The following KCNH7 variants were observed in gnomAD, a reference collection of about 807,000 sequenced individuals.
The protein encoded by KCNH7 is voltage-gated inwardly rectifying potassium channel KCNH7.
In KCNH7, 49 loss-of-function variants were observed where a neutral mutation model predicts 120.8. The ratio of observed to expected loss-of-function variants is 0.41; its 90% CI spans 0.32 to 0.51. The LOEUF (loss-of-function observed/expected upper bound fraction) is 0.51, where lower values mean the gene tolerates loss of function less well. KCNH7 is among the 20% of genes least tolerant of loss of function. The probability of loss-of-function intolerance (pLI) is 0.38; values close to 1 mark genes in which losing one functional copy is unlikely to be tolerated. For missense variants in KCNH7, 1,097 were observed against 1,446.6 expected (o/e 0.76, Z 3.92); for synonymous variants, 547 against 516.1 (o/e 1.06, Z -0.81).
intron 2 of KCNH7, among the ~76,000 whole-genome samples, chr2:162,549,063 T>C (rs1692576765): frequency 6.6e-6 from 1 of 152,188 alleles, no homozygotes; most frequent in Non-Finnish European, 1.5e-5. Context: ...TTTATGGTCC[T>C]ATTATCCTGT....
chr2:162,752,844 T>C (rs934501646), intron 2 of KCNH7, among the ~76,000 whole-genome samples: 2 of 147,296 alleles, frequency 1.4e-5, no homozygotes, highest in Non-Finnish European at 3.0e-5. Flanking sequence ...GAGGTTGCAG[T>C]GAGCCGAGAT....
intron 2 of KCNH7, among the ~76,000 whole-genome samples, chr2:162,666,031 T>C (rs968925662): frequency 2.0e-5 from 3 of 152,190 alleles, no homozygotes; most frequent in East Asian, 1.9e-4. Flanking sequence ...TTCTTTATTT[T>C]AGTGTAGATT....
chr2:162,766,671 T>A (rs1682821474), intron 2 of KCNH7, among the ~76,000 whole-genome samples: 1 of 151,876 alleles, frequency 6.6e-6, no homozygotes, highest in African/African-American at 2.4e-5. Flanking sequence ...TAGAAAGCAA[T>A]CATTTTCAGA....
chr2:162,564,016 C>T lies in KCNH7; in HGVS notation c.308-26936G>A, dbSNP rs1168194983. On this transcript the variant is annotated intron_variant, in intron 2 of 15. Coordinates refer to ENST00000332142, the MANE Select transcript of KCNH7 (RefSeq NM_033272.4). ...TCATTCATTCTTTAATAGCAATAAA[C>T]TGGTACAACTCAAAATTATTTTCTT... Among the ~76,000 whole-genome samples, 17 of 152,214 alleles carry T rather than the reference C, an allele frequency of 1.1e-4. No homozygotes were observed. In the East Asian group the frequency reaches 1.4e-3, roughly 12 times the overall value.
chr2:162,630,526 C>G (rs1219649206), intron 2 of KCNH7, among the ~76,000 whole-genome samples: 1 of 151,920 alleles, frequency 6.6e-6, no homozygotes, highest in Non-Finnish European at 1.5e-5. Context: ...AATGTCATTA[C>G]AGCTACAGGT....
chr2:162,679,706 G>A (rs1490516320), intron 2 of KCNH7, among the ~76,000 whole-genome samples: 1 of 151,502 alleles, frequency 6.6e-6, no homozygotes, highest in Non-Finnish European at 1.5e-5. Context: ...GCTTTACAGT[G>A]TTGTTTTTAA....
At chr2:162,630,560 G>C (rs1683731573) in intron 2 of KCNH7, among the ~76,000 whole-genome samples, 1 of 152,006 alleles carries the variant, frequency 6.6e-6, no homozygotes, top group African/African-American at 2.4e-5. Context: ...TTAGCAATTA[G>C]GATTTCTTTC....
intron 2 of KCNH7, among the ~76,000 whole-genome samples, chr2:162,595,762 G>A (rs1399213562): frequency 1.3e-5 from 2 of 151,678 alleles, no homozygotes; most frequent in Non-Finnish European, 1.5e-5. Flanking sequence ...AAACAGAAAA[G>A]GAAAAAGTGA....
At chr2:162,556,135 G>GAC (rs755142762) in intron 2 of KCNH7, among the ~76,000 whole-genome samples, 6 of 151,870 alleles carry the variant, frequency 4.0e-5, no homozygotes, top group African/African-American at 9.7e-5. Context: ...AAATATATAT[G>GAC]ACACACACAC....
intron 3 of KCNH7, among the ~76,000 whole-genome samples, chr2:162,527,446 C>A (rs545931569): frequency 1.1e-3 from 163 of 152,020 alleles, no homozygotes; most frequent in Non-Finnish European, 1.6e-3. Context: ...TCTTATAAAC[C>A]AGCTCTATGG....
At chr2:162,374,502 A>G (rs966846708) in intron 14 of KCNH7, among the ~76,000 whole-genome samples, 1 of 152,194 alleles carries the variant, frequency 6.6e-6, no homozygotes, top group Non-Finnish European at 1.5e-5. Flanking sequence ...TTTGGACCAT[A>G]TGCCTCTTTA....
At chr2:162,493,733 G>T (rs1601506) in intron 6 of KCNH7, among the ~76,000 whole-genome samples, 76,636 of 152,104 alleles carry the variant, frequency 0.5, 25,034 homozygotes, top group Non-Finnish European at 0.74. Flanking sequence ...TGAGACTACT[G>T]AAAATAGATT....
chr2:162,514,076 G>C lies in KCNH7; in HGVS notation c.893-1402C>G, dbSNP rs756837106. 2.6e-5 allele frequency among the ~76,000 whole-genome samples: 4 copies of C among 151,822 alleles called. No individual in the cohort carries two copies. The Middle Eastern group carries it at 0.01, about 387-fold the overall frequency. ...ATCCAAGATTTGAAAAATCTGTTCA[G>C]CATTTTGTTGATATCTATGCTAACA... On this transcript the variant is annotated intron_variant, in intron 4 of 15. Transcript: ENST00000332142.
chr2:162,683,094 T>A (rs1311582852), intron 2 of KCNH7, among the ~76,000 whole-genome samples: 1 of 151,856 alleles, frequency 6.6e-6, no homozygotes, highest in East Asian at 1.9e-4. Flanking sequence ...TAGCAAAAAG[T>A]ATAATACAGA....
chr2:162,431,591 G>A (rs1688070969), intron 8 of KCNH7, among the ~76,000 whole-genome samples: 2 of 151,834 alleles, frequency 1.3e-5, no homozygotes, highest in African/African-American at 4.8e-5. Context: ...AGTATTTCCT[G>A]TGTGACATAA....
At chr2:162,384,404 A>C (rs1352398175) in intron 13 of KCNH7, among the ~76,000 whole-genome samples, 1 of 151,878 alleles carries the variant, frequency 6.6e-6, no homozygotes, top group East Asian at 1.9e-4. Flanking sequence ...CTCCCCATTG[A>C]AATTACTACA....
At chr2:162,425,540 C>A (rs1687830772) in intron 8 of KCNH7, among the ~76,000 whole-genome samples, 1 of 152,102 alleles carries the variant, frequency 6.6e-6, no homozygotes, top group African/African-American at 2.4e-5. Flanking sequence ...CAAGGAGATT[C>A]ATGTGAAAAA....
chr2:162,655,213 C>G (rs1684704619), intron 2 of KCNH7, among the ~76,000 whole-genome samples: 1 of 151,986 alleles, frequency 6.6e-6, no homozygotes, highest in Admixed American at 6.6e-5. Flanking sequence ...ATACGTATTT[C>G]AAAACATCAT....
chr2:162,794,229 G>GGAAA (rs1301153012), intron 2 of KCNH7, among the ~76,000 whole-genome samples: 1 of 150,700 alleles, frequency 6.6e-6, no homozygotes, highest in Non-Finnish European at 1.5e-5. Flanking sequence ...AAGGAAGGAA[G>GGAAA]GAAGGGCAGG....
Sources: allele counts gnomAD v4.1 joint callset (sites outside exome capture counted in the v4.1 genomes callset), GRCh38; gene constraint gnomAD v4.1.1; transcripts MANE v1.5; gene names NCBI Gene and HGNC (gene_info 2026-07-23, HGNC 2026-07-21).